Variants in COL15A1 observed in about 807,000 individuals in gnomAD.
The protein encoded by COL15A1 is collagen alpha-1(XV) chain.
A neutral mutation model predicts 165.9 loss-of-function variants in COL15A1; 111 were observed. That is an observed-to-expected ratio of 0.67 (90% CI 0.57 to 0.78). The LOEUF is 0.78. Ranked by LOEUF, COL15A1 falls within the 30% of genes least tolerant of loss-of-function variation. COL15A1 has a pLI of 0.00. For synonymous variants in COL15A1, 659 were observed against 674.8 expected (o/e 0.98, Z 0.36); for missense variants, 1,745 against 1,789.7 (o/e 0.98, Z 0.45).
chr9:99,036,282 T>C, intron 20 of COL15A1, 31 bp from the exon 21 acceptor site: 1 of 1,613,988 alleles, frequency 6.2e-7, no homozygotes, highest in Non-Finnish European at 8.5e-7. Context: ...GTACAGTGAA[T>C]TTTTTTCTCA....
intron 16 of COL15A1, among the ~76,000 whole-genome samples, chr9:99,031,887 A>G (rs1177558050): frequency 6.6e-6 from 1 of 152,130 alleles, no homozygotes; most frequent in Non-Finnish European, 1.5e-5. Flanking sequence ...ATTTTCACAG[A>G]CTGTCTGTAG....
In COL15A1 at chr9:98,986,074, A is replaced by G. The variant is rs2075663; in HGVS notation, c.610A>G (p.Met204Val). 679,833 of 1,613,254 alleles carry G rather than the reference A, an allele frequency of 0.42. 151,834 individuals carry two copies. The highest frequency in any genetic ancestry group is 0.76 in the African/African-American group (56,772 of 74,946). ...TTTTGAGTCCAGCGCTGGAATCTTC[A>G]TGGGCAATGCAGGAGCTACAGGGCT... ...LAFESSAGIFMGNAGATGLER... is the reference protein window; with the variant it reads ...LAFESSAGIFVGNAGATGLER... Residue 204 changes from methionine to valine, a missense_variant, in exon 3 of 42, where the codon ATG becomes GTG. Physicochemically the swap from Met to Val is conservative, Grantham distance 21 (BLOSUM62 1). Coordinates refer to ENST00000375001, the MANE Select transcript of COL15A1 (RefSeq NM_001855.5).
chr9:98,982,897 GT>G (rs1258243900), intron 2 of COL15A1, among the ~76,000 whole-genome samples: 1 of 152,180 alleles, frequency 6.6e-6, no homozygotes, highest in Non-Finnish European at 1.5e-5. Flanking sequence ...GCCTCCCAAA[GT>G]GTTGGGATTA....
chr9:99,028,564 T>C (rs1196907892), intron 16 of COL15A1, among the ~76,000 whole-genome samples: 3 of 151,958 alleles, frequency 2.0e-5, no homozygotes, highest in Non-Finnish European at 4.4e-5. Flanking sequence ...GGTGGGAGAA[T>C]CGCTTGACCC....
chr9:98,949,681 T>C (rs1837647001), intron 2 of COL15A1, among the ~76,000 whole-genome samples: 1 of 152,244 alleles, frequency 6.6e-6, no homozygotes, highest in Admixed American at 6.5e-5. Context: ...TACTTTTTAT[T>C]GAGGTGAAAT....
intron 21 of COL15A1, among the ~76,000 whole-genome samples, chr9:99,038,172 C>G (rs1482294183): frequency 6.6e-6 from 1 of 152,036 alleles, no homozygotes; most frequent in Non-Finnish European, 1.5e-5. Context: ...AAAAGGTAAT[C>G]TCATGTGCTT....
At chr9:98,951,283 C>G (rs377373693) in intron 2 of COL15A1, among the ~76,000 whole-genome samples, 2 of 152,308 alleles carry the variant, frequency 1.3e-5, no homozygotes, top group East Asian at 3.9e-4. Context: ...ATATTTCCCC[C>G]CAAAGAACTC....
chr9:99,065,377 C>T (rs1223772663), intron 39 of COL15A1, among the ~76,000 whole-genome samples: 1 of 152,074 alleles, frequency 6.6e-6, no homozygotes, highest in African/African-American at 2.4e-5. Context: ...GGGCTTCTTC[C>T]CTCAGGCACC....
intron 5 of COL15A1, among the ~76,000 whole-genome samples, chr9:98,993,509 C>CCCGT (rs1396592807): frequency 6.6e-6 from 1 of 152,166 alleles, no homozygotes; most frequent in African/African-American, 2.4e-5. Flanking sequence ...TCCCTGTGCA[C>CCCGT]CCGTCTGTCT....
intron 14 of COL15A1, among the ~76,000 whole-genome samples, chr9:99,023,891 C>T (rs1839068922): frequency 6.6e-6 from 1 of 152,172 alleles, no homozygotes; most frequent in South Asian, 2.1e-4. Context: ...ATCTCCTTCC[C>T]TTATGCATTC....
chr9:99,013,293 A>G lies in COL15A1; in HGVS notation c.1354-2124A>G, dbSNP rs906438246. On this transcript the variant is annotated intron_variant, in intron 9 of 41. Coordinates refer to ENST00000375001, the MANE Select transcript of COL15A1 (RefSeq NM_001855.5). ...GTTGCTGCATGTCATGGGGGGGTCA[A>G]CCCCCCAAGACACTCCCACTTGCCC... Among the ~76,000 whole-genome samples the G allele has an allele frequency of 3.3e-5, 5 of 151,266 alleles. No individual in the cohort carries two copies. The East Asian group carries it at 9.8e-4, about 30-fold the overall frequency.
chr9:98,993,166 G>A (rs1370922450), intron 5 of COL15A1, among the ~76,000 whole-genome samples: 1 of 152,190 alleles, frequency 6.6e-6, no homozygotes, highest in African/African-American at 2.4e-5. Flanking sequence ...GAGTGGACCT[G>A]CCTCATAGGG....
chr9:99,051,820 G>A (rs2117890320), intron 30 of COL15A1, among the ~76,000 whole-genome samples: 1 of 152,270 alleles, frequency 6.6e-6, no homozygotes. Flanking sequence ...GGGAAAACTG[G>A]GAAGGAATAT....
rs753190285 is a variant in COL15A1 at position 99,034,587 on chromosome 9, A to T, written c.2079+3A>T. Reference sequence around the variant, plus strand: ...CTAATGGCTCAGTTGGTGAAAAGGTAAAAAAAAAAAAAAAAAAAAAAAAAA... The same window carrying T: ...CTAATGGCTCAGTTGGTGAAAAGGTTAAAAAAAAAAAAAAAAAAAAAAAAA... On this transcript the variant is annotated splice_donor_region_variant and intron_variant, in intron 17 of 41. Coordinates refer to ENST00000375001, the MANE Select transcript of COL15A1 (RefSeq NM_001855.5). The T allele has an allele frequency of 3.5e-4, 34 of 96,274 alleles. No individual in the cohort carries two copies. In the East Asian group the frequency reaches 0.013, roughly 36 times the overall value. The allele number at this position is 96,274 out of a possible 1,614,324, so 6.0% of individuals were successfully genotyped here.
Position 99,015,974 on chromosome 9 carries a change from A to G in COL15A1, c.1504-2A>G. On this transcript the variant is annotated splice_acceptor_variant, in intron 10 of 41. Coordinates refer to ENST00000375001, the MANE Select transcript of COL15A1 (RefSeq NM_001855.5). LOFTEE classifies it high-confidence loss of function. Reference sequence around the variant, plus strand: ...GTGCCTTAATGCTGGTTTTGTTTTCAGGGTCCTGGTGATGAAGAAGACTTG... The same window carrying G: ...GTGCCTTAATGCTGGTTTTGTTTTCGGGGTCCTGGTGATGAAGAAGACTTG... 1 of 1,613,092 alleles carries G rather than the reference A, an allele frequency of 6.2e-7. No homozygotes were observed.
At chr9:99,067,307 G>A (rs1175379274) in intron 40 of COL15A1, among the ~76,000 whole-genome samples, 2 of 152,132 alleles carry the variant, frequency 1.3e-5, no homozygotes, top group South Asian at 2.1e-4. Flanking sequence ...TTGATACAGG[G>A]TTTTCTTGTT....
chr9:99,015,692 C>A, intron 10 of COL15A1, 126 bp downstream of exon 10: 1 of 921,306 alleles, frequency 1.1e-6, no homozygotes, highest in Non-Finnish European at 1.7e-6. Context: ...TCTGGGTGGG[C>A]AGCTGCTGGA....
chr9:98,963,276 A>AG (rs933806493), intron 2 of COL15A1, among the ~76,000 whole-genome samples: 6 of 111,108 alleles, frequency 5.4e-5, no homozygotes, highest in African/African-American at 1.8e-4. Flanking sequence ...AATGCCTGCA[A>AG]GTCCCCCCAA....
rs767759076 is a variant in COL15A1 at position 99,022,048 on chromosome 9, G to C, written c.1702-43G>C. Reference sequence around the variant, plus strand: ...CTACAGAAAGGTGGGGAGATGGTAGGAACAGAGTTCCAGCCGTTCACTGAC... The same window carrying C: ...CTACAGAAAGGTGGGGAGATGGTAGCAACAGAGTTCCAGCCGTTCACTGAC... On this transcript the variant is annotated intron_variant, in intron 12 of 41. Coordinates refer to ENST00000375001, the MANE Select transcript of COL15A1 (RefSeq NM_001855.5). 9.9e-6 allele frequency: 16 copies of C among 1,612,294 alleles called. No homozygotes were observed. In the South Asian group the frequency reaches 1.5e-4, roughly 15 times the overall value.
Sources: allele counts gnomAD v4.1 joint callset (sites outside exome capture counted in the v4.1 genomes callset), GRCh38; gene constraint gnomAD v4.1.1; transcripts MANE v1.5; gene names NCBI Gene and HGNC (gene_info 2026-07-23, HGNC 2026-07-21).